GALNT14: variants seen among roughly 807,000 people sequenced by gnomAD.
GALNT14 encodes UDP-GalNAc:polypeptide N-acetylgalactosaminyltransferase 14.
Under a neutral mutation model 77.5 loss-of-function variants are expected in GALNT14, and 60 were observed. The observed-to-expected ratio is 0.77, with a 90% CI of 0.63 to 0.96. The LOEUF (loss-of-function observed/expected upper bound fraction) is 0.96, where lower values mean the gene tolerates loss of function less well. Ranked by LOEUF, GALNT14 falls within the 40% of genes least tolerant of loss-of-function variation. The probability of loss-of-function intolerance (pLI) is 0.00; values close to 1 mark genes in which losing one functional copy is unlikely to be tolerated. For missense variants in GALNT14, 710 were observed against 731.0 expected (o/e 0.97, Z 0.33); for synonymous variants, 280 against 281.7 (o/e 0.99, Z 0.06).
intron 2 of GALNT14, among the ~76,000 whole-genome samples, chr2:30,969,814 C>A (rs1212711359): frequency 6.6e-6 from 1 of 152,172 alleles, no homozygotes; most frequent in Non-Finnish European, 1.5e-5. Context: ...CTCTGTAACA[C>A]GGAATGGGCC....
chr2:31,004,392 A>G (rs80055147), intron 1 of GALNT14, among the ~76,000 whole-genome samples: 3,375 of 152,328 alleles, frequency 0.022, 109 homozygotes, highest in African/African-American at 0.068. Context: ...GGAGAGTCCA[A>G]GGGGAGGGAT....
intron 2 of GALNT14, among the ~76,000 whole-genome samples, chr2:30,989,595 T>TATATATATA (rs1431347563): frequency 8.9e-6 from 1 of 112,872 alleles, no homozygotes; most frequent in African/African-American, 3.2e-5. Context: ...AATATATATA[T>TATATATATA]TAGTAGATAT....
At chr2:31,081,069 T>C (rs1347211263) in intron 1 of GALNT14, among the ~76,000 whole-genome samples, 2 of 152,180 alleles carry the variant, frequency 1.3e-5, no homozygotes, top group Non-Finnish European at 2.9e-5. Flanking sequence ...AGCATGCCCC[T>C]CCCTAACACA....
intron 13 of GALNT14, among the ~76,000 whole-genome samples, chr2:30,914,564 G>A (rs974581421): frequency 1.3e-5 from 2 of 152,124 alleles, no homozygotes; most frequent in African/African-American, 2.4e-5. Context: ...AGAGTAATTC[G>A]GCCATGAGTA....
chr2:31,001,472 G>A (rs1670365549), intron 1 of GALNT14, among the ~76,000 whole-genome samples: 1 of 152,186 alleles, frequency 6.6e-6, no homozygotes, highest in Non-Finnish European at 1.5e-5. Flanking sequence ...CTAAACCTGA[G>A]TCTTCTGTAA....
At chr2:31,039,447 A>T (rs1256292713) in intron 1 of GALNT14, among the ~76,000 whole-genome samples, 1 of 152,240 alleles carries the variant, frequency 6.6e-6, no homozygotes, top group Non-Finnish European at 1.5e-5. Flanking sequence ...CCAAGTTCTC[A>T]CAGTCAGTAA....
At chr2:31,133,815 A>T (rs1679097411) in intron 1 of GALNT14, among the ~76,000 whole-genome samples, 2 of 152,064 alleles carry the variant, frequency 1.3e-5, no homozygotes, top group Admixed American at 6.5e-5. Context: ...TTGTTACAGG[A>T]TTTTTCAGTT....
chr2:31,094,832 T>C (rs770009936), intron 1 of GALNT14, among the ~76,000 whole-genome samples: 8 of 152,122 alleles, frequency 5.3e-5, no homozygotes, highest in African/African-American at 9.7e-5. Flanking sequence ...TCTGGACCCA[T>C]TGCTGCCCCA....
At chr2:31,070,539 G>C (rs771644930) in intron 1 of GALNT14, among the ~76,000 whole-genome samples, 1 of 152,156 alleles carries the variant, frequency 6.6e-6, no homozygotes, top group Non-Finnish European at 1.5e-5. Flanking sequence ...TTTTCTCCCA[G>C]CCTGAAAAAT....
At chr2:30,963,105 A>C (rs1356497378) in intron 3 of GALNT14, among the ~76,000 whole-genome samples, 4 of 152,136 alleles carry the variant, frequency 2.6e-5, no homozygotes, top group Non-Finnish European at 5.9e-5. Context: ...GCTGGCTGAC[A>C]TCTGAAGTTC....
chr2:31,078,963 T>C, intron 1 of GALNT14: 1 of 1,289,260 alleles, frequency 7.8e-7, no homozygotes, highest in Non-Finnish European at 1.0e-6. Flanking sequence ...GCCATGGCTG[T>C]TCCATGCCTG....
intron 1 of GALNT14, among the ~76,000 whole-genome samples, chr2:31,063,576 G>GT (rs1404368770): frequency 6.6e-6 from 1 of 152,170 alleles, no homozygotes; most frequent in Non-Finnish European, 1.5e-5. Flanking sequence ...ATGTAAAGTA[G>GT]TTTTTTCTAA....
chr2:31,012,482 C>T (rs1253034746), intron 1 of GALNT14, among the ~76,000 whole-genome samples: 1 of 152,182 alleles, frequency 6.6e-6, no homozygotes, highest in Non-Finnish European at 1.5e-5. Context: ...ATAAAAACTG[C>T]TCACAGCCTC....
chr2:30,953,259 G>A (rs1445189212), intron 6 of GALNT14, among the ~76,000 whole-genome samples: 1 of 151,212 alleles, frequency 6.6e-6, no homozygotes, highest in Non-Finnish European at 1.5e-5. Flanking sequence ...TAACCAGGAG[G>A]TGCTCAAATG....
chr2:31,101,204 T>C (rs13388896), intron 1 of GALNT14, among the ~76,000 whole-genome samples: 8 of 152,066 alleles, frequency 5.3e-5, no homozygotes, highest in African/African-American at 1.9e-4. Context: ...TTTCTCTTAA[T>C]GTTCACTAAT....
chr2:30,913,612 A>T (rs1317453856), intron 13 of GALNT14, among the ~76,000 whole-genome samples: 2 of 152,128 alleles, frequency 1.3e-5, no homozygotes, highest in Admixed American at 1.3e-4. Context: ...TGCTGTCCTG[A>T]ATACGTCCAC....
intron 1 of GALNT14, among the ~76,000 whole-genome samples, chr2:31,064,162 G>A (rs1674786518): frequency 6.6e-6 from 1 of 152,170 alleles, no homozygotes; most frequent in Non-Finnish European, 1.5e-5. Flanking sequence ...GCAAATGCTT[G>A]ATTTGAGTAG....
chr2:30,996,917 T>C (rs993022796), intron 1 of GALNT14, among the ~76,000 whole-genome samples: 6 of 152,358 alleles, frequency 3.9e-5, no homozygotes, highest in Middle Eastern at 3.4e-3. Flanking sequence ...TATCTGAATG[T>C]ATTAAATAAT....
chr2:31,001,103 T>C (rs1428554605), intron 1 of GALNT14, among the ~76,000 whole-genome samples: 1 of 152,116 alleles, frequency 6.6e-6, no homozygotes, highest in Non-Finnish European at 1.5e-5. Flanking sequence ...AGTTCTCGTC[T>C]CCATGTAGCC....
Sources: allele counts gnomAD v4.1 joint callset (sites outside exome capture counted in the v4.1 genomes callset), GRCh38; gene constraint gnomAD v4.1.1; transcripts MANE v1.5; gene names NCBI Gene and HGNC (gene_info 2026-07-23, HGNC 2026-07-21).